PTCHD1: variants seen among roughly 807,000 people sequenced by gnomAD.
PTCHD1 encodes patched domain-containing protein 1.
Under a neutral mutation model 34.6 loss-of-function variants are expected in PTCHD1, and 3 were observed. The ratio of observed to expected loss-of-function variants is 0.09; its 90% CI spans 0.04 to 0.22. The LOEUF is 0.22. Among genes scored for constraint, PTCHD1 ranks in the 10% least tolerant of loss-of-function variants. The probability of loss-of-function intolerance (pLI) is 1.00; values close to 1 mark genes in which losing one functional copy is unlikely to be tolerated. For missense variants in PTCHD1, 504 were observed against 685.5 expected, an observed-to-expected ratio of 0.74 and a Z score of 2.96; for synonymous variants, 305 against 283.1, an observed-to-expected ratio of 1.08 and a Z score of -0.77.
In PTCHD1 at chrX:23,398,272, G is replaced by C. The variant is rs1923040057; in HGVS notation, c.*4087G>C. The C allele has an allele frequency of 8.9e-6, 1 of 111,786 alleles. No individual in the cohort carries two copies. Among genetic ancestry groups the C allele is most frequent in the Non-Finnish European group, 1.9e-5 (1 of 53,183 alleles). 9.2% of individuals were successfully genotyped at this position (111,786 alleles called of 1,213,427 possible). On this transcript the variant is annotated 3_prime_UTR_variant, in exon 3 of 3. Coordinates refer to ENST00000379361, the MANE Select transcript of PTCHD1 (RefSeq NM_173495.3). The stretch of plus-strand genomic sequence containing the variant: ...AGGGCTCGGGATGTAAAGCTACTGA[G>C]AAGTAGATTTGAGCCTGAGAATTAG...
Position 23,337,537 on chromosome X carries a change from T to C in PTCHD1, c.351+2311T>C, listed in dbSNP as rs558393368. Among the ~76,000 whole-genome samples, 445 of 110,738 alleles carry C rather than the reference T, an allele frequency of 4.0e-3. 2 individuals are homozygous for C. Among genetic ancestry groups the C allele is most frequent in the African/African-American group, 0.014 (417 of 30,424 alleles). On this transcript the variant is annotated intron_variant, in intron 1 of 2. Coordinates refer to ENST00000379361, the MANE Select transcript of PTCHD1 (RefSeq NM_173495.3). ...GAGCACTTTTTTTTTTTTAATTTTT[T>C]TCATTTAGAGACATGATGACTTGTC... is the stretch of plus-strand genomic sequence containing the variant.
intron 1 of PTCHD1, among the ~76,000 whole-genome samples, chrX:23,354,372 A>T (rs939096566): frequency 2.5e-4 from 21 of 83,118 alleles, no homozygotes; most frequent in African/African-American, 1.6e-3. Context: ...CAAACAGATT[A>T]AAAAAAAAAA....
At position 23,402,639 on chromosome X, in the gene PTCHD1, G is replaced by A. The variant is rs1006663663; in HGVS notation, c.*8454G>A. On this transcript the variant is annotated 3_prime_UTR_variant, in exon 3 of 3. Transcript: ENST00000379361. ...CTCAAGTTCTCTTCCTATTGTTTAT[G>A]ATCCCATAATACAACCACCCACTAT... The A allele has an allele frequency of 8.9e-6, 1 of 111,858 alleles. No individual in the cohort carries two copies. The highest frequency in any genetic ancestry group is 3.2e-5 in the African/African-American group (1 of 30,788). The allele number at this position is 111,858 out of a possible 1,213,427, so 9.2% of individuals were successfully genotyped here. A position where few individuals can be genotyped will look rare whatever the true frequency, so the allele number is the denominator to read the frequency against.
At position 23,399,601 on chromosome X, in the gene PTCHD1, A is replaced by G. The variant is rs756927917; in HGVS notation, c.*5416A>G. The G allele has an allele frequency of 8.9e-6, 1 of 112,453 alleles. No individual in the cohort carries two copies. Among genetic ancestry groups the G allele is most frequent in the Admixed American group, 9.4e-5 (1 of 10,668 alleles). The allele number at this position is 112,453 out of a possible 1,213,427, so 9.3% of individuals were successfully genotyped here. On this transcript the variant is annotated 3_prime_UTR_variant, in exon 3 of 3. Transcript: ENST00000379361. Reference sequence around the variant, plus strand: ...CTATCTTTTCTCTAAGGATCCAAAAATGCTTCAAAATATTGGTTTCTTCAT... The same window carrying G: ...CTATCTTTTCTCTAAGGATCCAAAAGTGCTTCAAAATATTGGTTTCTTCAT...
chrX:23,351,062 A>C, intron 1 of PTCHD1: 2 of 420,790 alleles, frequency 4.8e-6, no homozygotes, highest in Non-Finnish European at 8.2e-6. Flanking sequence ...CCAGTATGAC[A>C]ACTCCTATGA....
chrX:23,391,773 G>A (rs1922834336), intron 2 of PTCHD1, among the ~76,000 whole-genome samples: 1 of 111,873 alleles, frequency 8.9e-6, no homozygotes, highest in Non-Finnish European at 1.9e-5. Flanking sequence ...TCTCTTCTCT[G>A]GAGCGTTCCA....
In PTCHD1 at chrX:23,379,953, A is replaced by T. The variant is rs765424375; in HGVS notation, c.714A>T (p.Arg238Ser). The change falls in exon 2 of 3, where the codon AGA becomes AGT. Residue 238 changes from arginine (R) to serine (S), a missense_variant. Transcript: ENST00000379361. ...RWESSFCDTV[R>S]LFQKSNSKVK... ...AGTCCAGCTTCTGCGACACTGTCAG[A>T]CTGTTTCAGAAATCCAACAGCAAAG... The T allele has an allele frequency of 1.2e-5, 15 of 1,210,172 alleles. No individual in the cohort carries two copies. Among genetic ancestry groups the T allele is most frequent in the South Asian group, 3.5e-5 (2 of 56,803 alleles).
Position 23,394,354 on chromosome X carries a change from G to T in PTCHD1, c.*169G>T. The T allele has an allele frequency of 3.0e-4, 106 of 347,563 alleles. No homozygotes were observed. The highest frequency in any genetic ancestry group is 7.5e-4 in the East Asian group (14 of 18,553). 28.6% of individuals were successfully genotyped at this position (347,563 alleles called of 1,213,427 possible). Reference sequence around the variant, plus strand: ...AGGACAGTGGGGAGAAATGGGCCTGGCATATTTTCAGTCTTTAAAACAAAG... The same window carrying T: ...AGGACAGTGGGGAGAAATGGGCCTGTCATATTTTCAGTCTTTAAAACAAAG... On this transcript the variant is annotated 3_prime_UTR_variant, in exon 3 of 3. Coordinates refer to ENST00000379361, the MANE Select transcript of PTCHD1 (RefSeq NM_173495.3).
At chrX:23,360,628 T>G (rs1386652540) in intron 1 of PTCHD1, among the ~76,000 whole-genome samples, 1 of 111,458 alleles carries the variant, frequency 9.0e-6, no homozygotes, top group African/African-American at 3.3e-5. Flanking sequence ...TTTTGAAGGG[T>G]TTTTTGTGTC....
intron 2 of PTCHD1, among the ~76,000 whole-genome samples, chrX:23,387,740 T>C (rs983411199): frequency 9.0e-6 from 1 of 111,621 alleles, no homozygotes; most frequent in Non-Finnish European, 1.9e-5. Context: ...TCTCTCTCTC[T>C]TTCTCTTTAT....
chrX:23,391,471 TTTCTTCACTGAAAC>T (rs1922826499), intron 2 of PTCHD1, among the ~76,000 whole-genome samples: 1 of 111,518 alleles, frequency 9.0e-6, no homozygotes, highest in African/African-American at 3.3e-5. Flanking sequence ...TTTTCTGTAT[TTTCTTCACTGAAAC>T]TTCTTCACTC....
At position 23,375,568 on chromosome X, in the gene PTCHD1, C is replaced by T. The variant is rs1442024564; in HGVS notation, c.352-4023C>T. ...TGCTGGGATTACAGGCGTGAGCCAC[C>T]GCGCCGCCCGGCCGGGCTGACAATT... is the stretch of plus-strand genomic sequence containing the variant. On this transcript the variant is annotated intron_variant, in intron 1 of 2. Coordinates refer to ENST00000379361, the MANE Select transcript of PTCHD1 (RefSeq NM_173495.3). 2.0e-4 allele frequency among the ~76,000 whole-genome samples: 4 copies of T among 19,790 alleles called. No individual in the cohort carries two copies. In the African/African-American group the frequency reaches 2.3e-3, roughly 12 times the overall value. 17.2% of individuals were successfully genotyped at this position (19,790 alleles called of 115,157 possible).
In PTCHD1 at chrX:23,344,767, C is replaced by G. The variant is rs768188616; in HGVS notation, c.351+9541C>G. On this transcript the variant is annotated intron_variant, in intron 1 of 2. Coordinates refer to ENST00000379361, the MANE Select transcript of PTCHD1 (RefSeq NM_173495.3). ...TTGCACACAAAAAAAGCCTTCACTT[C>G]CTGCCCAGGGAAGTGCCTTTTGAAT... Among the ~76,000 whole-genome samples the G allele has an allele frequency of 8.1e-5, 9 of 111,684 alleles. No homozygotes were observed. In the South Asian group the frequency reaches 3.4e-3, roughly 43 times the overall value.
intron 1 of PTCHD1, among the ~76,000 whole-genome samples, chrX:23,356,451 C>T (rs1215938905): frequency 8.9e-6 from 1 of 111,947 alleles, no homozygotes; most frequent in Non-Finnish European, 1.9e-5. Context: ...CAAACTCCTG[C>T]AAGGGAGGGC....
In PTCHD1 at chrX:23,335,051, A is replaced by G; in HGVS notation, c.176A>G (p.Gln59Arg). The G allele has an allele frequency of 1.7e-6, 2 of 1,211,307 alleles. No individual in the cohort carries two copies. Among genetic ancestry groups the G allele is most frequent in the East Asian group, 3.0e-5 (1 of 33,783 alleles). ...EESVEHLLAP[Q>R]HSLAKIERNL... ...AGCGTGGAGCACCTGCTGGCGCCCC[A>G]GCACAGCCTGGCCAAGATCGAGCGC... The change falls in exon 1 of 3, where the codon CAG (glutamine) becomes CGG (arginine). Residue 59 changes from glutamine to arginine, a missense_variant. Transcript: ENST00000379361.
chrX:23,358,219 C>T (rs1921863990), intron 1 of PTCHD1, among the ~76,000 whole-genome samples: 1 of 112,028 alleles, frequency 8.9e-6, no homozygotes, highest in Non-Finnish European at 1.9e-5. Flanking sequence ...CTCTAGATCC[C>T]TGAGGAATCA....
intron 1 of PTCHD1, among the ~76,000 whole-genome samples, chrX:23,377,544 T>C (rs957702910): frequency 9.1e-6 from 1 of 109,914 alleles, no homozygotes; most frequent in African/African-American, 3.3e-5. Flanking sequence ...ACATTTAGCA[T>C]ATGATTAGGC....
chrX:23,394,302 CAAAAAAA>C lies in PTCHD1; in HGVS notation c.*133_*139del, dbSNP rs765690048. 36 of 52,377 alleles carry C rather than the reference CAAAAAAA, an allele frequency of 6.9e-4. No individual in the cohort carries two copies. The highest frequency in any genetic ancestry group is 4.8e-3 in the East Asian group (14 of 2,894). The allele number at this position is 52,377 out of a possible 1,213,427, so 4.3% of individuals were successfully genotyped here. The stretch of plus-strand genomic sequence containing the variant: ...TTTAAAGATAGGAAACAGGCATTGC[CAAAAAAA>C]AAAAAAAAAAAAAAAGGAAAGGACA... On this transcript the variant is annotated 3_prime_UTR_variant, in exon 3 of 3. Coordinates refer to ENST00000379361, the MANE Select transcript of PTCHD1 (RefSeq NM_173495.3).
At position 23,397,933 on chromosome X, in the gene PTCHD1, T is replaced by A. The variant is rs1923030538; in HGVS notation, c.*3748T>A. On this transcript the variant is annotated 3_prime_UTR_variant, in exon 3 of 3. Coordinates refer to ENST00000379361, the MANE Select transcript of PTCHD1 (RefSeq NM_173495.3). Reference sequence around the variant, plus strand: ...AGTACCCCTGTAGCTTATAGTAGTGTTTGACCTCTGTGACTCTGTTTTCTC... The same window carrying A: ...AGTACCCCTGTAGCTTATAGTAGTGATTGACCTCTGTGACTCTGTTTTCTC... 8.9e-6 allele frequency: 1 copy of A among 112,106 alleles called. No homozygotes were observed. Among genetic ancestry groups the A allele is most frequent in the South Asian group, 3.8e-4 (1 of 2,655 alleles). The allele number at this position is 112,106 out of a possible 1,213,427, so 9.2% of individuals were successfully genotyped here.
Sources: allele counts gnomAD v4.1 joint callset (sites outside exome capture counted in the v4.1 genomes callset), GRCh38; gene constraint gnomAD v4.1.1; transcripts MANE v1.5; gene names NCBI Gene and HGNC (gene_info 2026-07-23, HGNC 2026-07-21).